Variants in COL13A1 observed in about 807,000 individuals in gnomAD.
The protein encoded by COL13A1 is collagen type XIII alpha 1 chain.
In COL13A1, 89 loss-of-function variants were observed where a neutral mutation model predicts 130.9. The ratio of observed to expected loss-of-function variants is 0.68; its 90% CI spans 0.57 to 0.81. The LOEUF (loss-of-function observed/expected upper bound fraction) is 0.81. Among genes scored for constraint, COL13A1 ranks in the 30% least tolerant of loss-of-function variants. The pLI, the probability that COL13A1 is intolerant of heterozygous loss-of-function variation, is 0.00. For synonymous variants in COL13A1, 402 were observed against 341.6 expected (o/e 1.18, Z -1.95); for missense variants, 879 against 934.6 (o/e 0.94, Z 0.78).
At chr10:69,940,555 G>A (rs536202039) in intron 34 of COL13A1, among the ~76,000 whole-genome samples, 45 of 152,254 alleles carry the variant, frequency 3.0e-4, no homozygotes, top group Admixed American at 2.1e-3. Flanking sequence ...TGGGAGAGCC[G>A]TCCTCACCTG....
At chr10:69,937,793 G>T in intron 34 of COL13A1, 78 bp downstream of exon 34, 1 of 727,742 alleles carries the variant, frequency 1.4e-6, no homozygotes, top group South Asian at 1.6e-5. Context: ...ACAGCCAGCG[G>T]AAAGCTAAGG....
At chr10:69,815,210 T>C (rs2642568) in intron 1 of COL13A1, among the ~76,000 whole-genome samples, 113,435 of 152,060 alleles carry the variant, frequency 0.75, 43,060 homozygotes, top group Non-Finnish European at 0.82. Flanking sequence ...ACCCACCCCA[T>C]GTATTGCAGA....
intron 14 of COL13A1, among the ~76,000 whole-genome samples, chr10:69,901,431 T>C (rs1367155080): frequency 1.3e-5 from 2 of 152,152 alleles, no homozygotes; most frequent in Non-Finnish European, 2.9e-5. Flanking sequence ...CACCACCACT[T>C]CCCTCTAGAG....
In COL13A1 at chr10:69,904,532, G is replaced by C. The variant is rs139643764; in HGVS notation, c.859-401G>C. ...AAGGAGACAGAGGGCTCCTCCACTGGCAGGCAGGACCAAGGGCAAAACCGA... is the reference window on the plus strand; with the variant it reads ...AAGGAGACAGAGGGCTCCTCCACTGCCAGGCAGGACCAAGGGCAAAACCGA... On this transcript the variant is annotated intron_variant, in intron 15 of 40. Transcript: ENST00000645393. Among the ~76,000 whole-genome samples the C allele has an allele frequency of 4.7e-3, 712 of 152,306 alleles. 6 individuals are homozygous for C. The highest frequency in any genetic ancestry group is 0.016 in the African/African-American group (667 of 41,556).
rs534860080 is a variant in COL13A1 at position 69,932,761 on chromosome 10, C to A, written c.1728+157C>A. On this transcript the variant is annotated intron_variant, in intron 31 of 40. Transcript: ENST00000645393. ...CACTGATCCTCTGGACTGCTCCAGT[C>A]TTCCCAAACCACATCTCTCAGCAAC... 1.6e-4 allele frequency among the ~76,000 whole-genome samples: 24 copies of A among 152,346 alleles called. No homozygotes were observed. In the South Asian group the frequency reaches 5.0e-3, roughly 32 times the overall value.
In COL13A1 at chr10:69,843,550, C is replaced by T. The variant is rs533725556; in HGVS notation, c.364+21112C>T. 2.7e-4 allele frequency among the ~76,000 whole-genome samples: 41 copies of T among 152,298 alleles called. No homozygotes were observed. In the East Asian group the frequency reaches 7.9e-3, roughly 29 times the overall value. ...CAAGTGTTCCTGTGGCTAGTGGCTA[C>T]TGTATTGGACAGCACACGCACAGAA... On this transcript the variant is annotated intron_variant, in intron 2 of 40. Transcript: ENST00000645393.
chr10:69,904,591 G>A (rs914011593), intron 15 of COL13A1, among the ~76,000 whole-genome samples: 10 of 152,328 alleles, frequency 6.6e-5, no homozygotes, highest in Middle Eastern at 6.8e-3. Context: ...TTCTAGGGAG[G>A]GGTTCCAATT....
intron 6 of COL13A1, among the ~76,000 whole-genome samples, chr10:69,879,583 G>A (rs754497552): frequency 6.6e-5 from 10 of 152,092 alleles, no homozygotes; most frequent in Non-Finnish European, 8.8e-5. Flanking sequence ...ATCATCCCTC[G>A]CCTGCCTGTA....
intron 7 of COL13A1, among the ~76,000 whole-genome samples, chr10:69,883,087 AC>A (rs1303579003): frequency 6.6e-6 from 1 of 152,204 alleles, no homozygotes; most frequent in Non-Finnish European, 1.5e-5. Flanking sequence ...CTTAGGGGCC[AC>A]CTGCCTCCCC....
intron 1 of COL13A1, among the ~76,000 whole-genome samples, chr10:69,803,054 C>A (rs1840493517): frequency 6.6e-6 from 1 of 152,316 alleles, no homozygotes; most frequent in Admixed American, 6.5e-5. Context: ...TTTCGGGACC[C>A]GGCCAGGGTG....
chr10:69,840,759 C>T (rs1354140971), intron 2 of COL13A1, among the ~76,000 whole-genome samples: 1 of 152,208 alleles, frequency 6.6e-6, no homozygotes, highest in Non-Finnish European at 1.5e-5. Flanking sequence ...CTCAAAGGCC[C>T]CTGAGAGGAA....
chr10:69,888,395 A>G (rs909294249), intron 9 of COL13A1, 65 bp downstream of exon 9: 2 of 1,574,524 alleles, frequency 1.3e-6, no homozygotes, highest in Non-Finnish European at 1.7e-6. Context: ...GTCATTCTGC[A>G]AGATATTGAA....
chr10:69,901,141 AGAAACACTGAC>A (rs1564998006), intron 14 of COL13A1, among the ~76,000 whole-genome samples: 1 of 152,202 alleles, frequency 6.6e-6, no homozygotes, highest in Non-Finnish European at 1.5e-5. Context: ...TTGGTTCAGA[AGAAACACTGAC>A]ACCTGAGACT....
At chr10:69,906,624 C>T (rs776580284) in intron 17 of COL13A1, among the ~76,000 whole-genome samples, 8 of 152,182 alleles carry the variant, frequency 5.3e-5, no homozygotes, top group African/African-American at 9.7e-5. Context: ...AAGCAAGTCA[C>T]ATGACCAAGT....
rs531100270 is a variant in COL13A1 at position 69,948,058 on chromosome 10, T to C, written c.2058+716T>C. ...GGGTTCCCCTCTGGAGGGTCTCATC[T>C]GCTGCTGCATCATGGGGCTTCCTGG... On this transcript the variant is annotated intron_variant, in intron 38 of 40. Transcript: ENST00000645393. Among the ~76,000 whole-genome samples the C allele has an allele frequency of 8.5e-5, 13 of 152,376 alleles. No homozygotes were observed. In the South Asian group the frequency reaches 2.7e-3, roughly 32 times the overall value.
chr10:69,928,083 C>T (rs368845833), intron 27 of COL13A1, among the ~76,000 whole-genome samples: 25 of 152,226 alleles, frequency 1.6e-4, no homozygotes, highest in African/African-American at 5.8e-4. Context: ...ACCCGGGAGG[C>T]GGAGGTTGCA....
At chr10:69,879,617 G>C (rs1428020051) in intron 6 of COL13A1, among the ~76,000 whole-genome samples, 1 of 152,160 alleles carries the variant, frequency 6.6e-6, no homozygotes, top group South Asian at 2.1e-4. Context: ...TCCAAAATGC[G>C]TTTCCCGTAA....
At chr10:69,843,260 G>A (rs2133300050) in intron 2 of COL13A1, among the ~76,000 whole-genome samples, 1 of 152,180 alleles carries the variant, frequency 6.6e-6, no homozygotes, top group Middle Eastern at 3.4e-3. Flanking sequence ...TCAACCCACG[G>A]CCTAGGAGCG....
At chr10:69,885,420 A>G (rs1284902600) in intron 7 of COL13A1, among the ~76,000 whole-genome samples, 2 of 152,240 alleles carry the variant, frequency 1.3e-5, no homozygotes, top group Non-Finnish European at 2.9e-5. Flanking sequence ...TTGAAGAGAC[A>G]TAAATTAAAG....
Sources: gnomAD v4.1 joint callset for allele counts (sites outside exome capture counted in the v4.1 genomes callset) on GRCh38, gnomAD v4.1.1 for gene constraint, MANE v1.5 for transcripts, NCBI Gene and HGNC (gene_info 2026-07-23, HGNC 2026-07-21) for gene names.